The following CHST11 variants were observed in gnomAD, a reference collection of about 807,000 sequenced individuals.
The protein encoded by CHST11 is C4S-1.
Under a neutral mutation model 30.4 loss-of-function variants are expected in CHST11, and 9 were observed. That is an observed-to-expected ratio of 0.30 (90% CI 0.18 to 0.52). The LOEUF is 0.52. Ranked by LOEUF, CHST11 falls within the 20% of genes least tolerant of loss-of-function variation. The pLI is 0.97. For missense variants in CHST11, 348 were observed against 460.6 expected (o/e 0.76, Z 2.24); for synonymous variants, 152 against 187.8 (o/e 0.81, Z 1.56).
At chr12:104,739,747 T>C (rs2040331103) in intron 2 of CHST11, among the ~76,000 whole-genome samples, 1 of 152,208 alleles carries the variant, frequency 6.6e-6, no homozygotes, top group African/African-American at 2.4e-5. Context: ...CCTTTAAACC[T>C]CATAAGAGCC....
chr12:104,531,525 G>A (rs1420923968), intron 1 of CHST11, among the ~76,000 whole-genome samples: 1 of 151,658 alleles, frequency 6.6e-6, no homozygotes, highest in Non-Finnish European at 1.5e-5. Context: ...TACAAAGGAT[G>A]GGAAAATCCT....
At chr12:104,674,740 A>G (rs143607581) in intron 2 of CHST11, among the ~76,000 whole-genome samples, 5 of 151,934 alleles carry the variant, frequency 3.3e-5, no homozygotes, top group African/African-American at 9.7e-5. Context: ...CTGCCTTGAG[A>G]CAAGTGTAGA....
chr12:104,755,185 C>T (rs759831413), intron 2 of CHST11, among the ~76,000 whole-genome samples: 7 of 152,158 alleles, frequency 4.6e-5, no homozygotes, highest in Non-Finnish European at 1.0e-4. Context: ...GTTGGAGGAG[C>T]AGGGGCAGAT....
At chr12:104,751,148 A>G (rs1052717766) in intron 2 of CHST11, among the ~76,000 whole-genome samples, 9 of 152,090 alleles carry the variant, frequency 5.9e-5, no homozygotes, top group African/African-American at 2.2e-4. Context: ...TGTCATTTCC[A>G]TTTTTCCTGC....
At position 104,672,249 on chromosome 12, in the gene CHST11, TC is replaced by T. The variant is rs2039704191; in HGVS notation, c.204+70259del. On this transcript the variant is annotated intron_variant, in intron 2 of 2. Coordinates refer to ENST00000303694, the MANE Select transcript of CHST11 (RefSeq NM_018413.6). ...CGTGTGGGAGAGAGGGGATTGTCCC[TC>T]TCTCCCCAAGGTCAGCTCTGGCTTG... is the stretch of plus-strand genomic sequence containing the variant. Among the ~76,000 whole-genome samples, 5 of 103,044 alleles carry T rather than the reference TC, an allele frequency of 4.9e-5. No individual in the cohort carries two copies. The South Asian group carries it at 1.5e-3, about 30-fold the overall frequency. The allele number at this position is 103,044 out of a possible 152,430, so 67.6% of individuals were successfully genotyped here.
intron 2 of CHST11, among the ~76,000 whole-genome samples, chr12:104,738,722 T>C (rs932403027): frequency 9.2e-5 from 14 of 152,238 alleles, no homozygotes; most frequent in Non-Finnish European, 2.1e-4. Context: ...TCATAGCTAG[T>C]AGGTGCTAGA....
At chr12:104,658,561 C>T (rs1020535989) in intron 2 of CHST11, among the ~76,000 whole-genome samples, 1 of 152,162 alleles carries the variant, frequency 6.6e-6, no homozygotes, top group Non-Finnish European at 1.5e-5. Context: ...TTCATGACAG[C>T]GTGTACCTTA....
rs559609478 is a variant in CHST11 at position 104,489,037 on chromosome 12, C to CT, written c.118+31518dup. Among the ~76,000 whole-genome samples the CT allele has an allele frequency of 2.7e-3, 406 of 149,582 alleles. 3 individuals are homozygous for CT. Among genetic ancestry groups the CT allele is most frequent in the African/African-American group, 9.2e-3 (376 of 40,862 alleles). ...TGTGTCCTAATTTCTTCTTCTTCCT[C>CT]TTTTTTTTTTCCTTGAGATGGAGTT... is the stretch of plus-strand genomic sequence containing the variant. On this transcript the variant is annotated intron_variant, in intron 1 of 2. Transcript: ENST00000303694.
At chr12:104,661,900 C>T (rs974751413) in intron 2 of CHST11, among the ~76,000 whole-genome samples, 1 of 152,160 alleles carries the variant, frequency 6.6e-6, no homozygotes, top group South Asian at 2.1e-4. Context: ...CAGAAAACAC[C>T]TGTTCTTTCT....
intron 2 of CHST11, among the ~76,000 whole-genome samples, chr12:104,707,056 G>A (rs2040042712): frequency 6.6e-6 from 1 of 152,164 alleles, no homozygotes; most frequent in Non-Finnish European, 1.5e-5. Context: ...CAGTGCAACT[G>A]TCACCTCCTC....
At chr12:104,663,424 A>G (rs1408208963) in intron 2 of CHST11, among the ~76,000 whole-genome samples, 2 of 152,254 alleles carry the variant, frequency 1.3e-5, no homozygotes, top group East Asian at 3.8e-4. Context: ...AAAAATCACC[A>G]GCAAATCCAC....
chr12:104,699,737 G>T (rs1430307566), intron 2 of CHST11, among the ~76,000 whole-genome samples: 1 of 152,218 alleles, frequency 6.6e-6, no homozygotes, highest in Admixed American at 6.5e-5. Context: ...AGTAACTGGA[G>T]CCCTTTTGTT....
intron 1 of CHST11, chr12:104,514,154 CA>C (rs2037997376): frequency 4.7e-6 from 5 of 1,063,918 alleles, no homozygotes; most frequent in African/African-American, 1.5e-5. Flanking sequence ...AGCCTTCCTA[CA>C]GCAGTTCCCT....
chr12:104,580,503 C>A (rs10450734), intron 1 of CHST11, among the ~76,000 whole-genome samples: 2,930 of 152,180 alleles, frequency 0.019, 87 homozygotes, highest in East Asian at 0.089. Context: ...AAATTAAAGG[C>A]AAAATAAATG....
At chr12:104,530,020 A>G (rs1389642254) in intron 1 of CHST11, among the ~76,000 whole-genome samples, 3 of 152,086 alleles carry the variant, frequency 2.0e-5, no homozygotes, top group Non-Finnish European at 4.4e-5. Context: ...TTAGCTAGGC[A>G]TGGTGGCACA....
chr12:104,552,444 T>C (rs1480392501), intron 1 of CHST11: 1 of 152,772 alleles, frequency 6.5e-6, no homozygotes, highest in African/African-American at 2.4e-5. Flanking sequence ...TAGCTGGGAC[T>C]ACAGGCGCAC....
intron 2 of CHST11, among the ~76,000 whole-genome samples, chr12:104,645,797 A>G (rs12581164): frequency 0.13 from 19,456 of 152,244 alleles, 1,560 homozygotes; most frequent in African/African-American, 0.23. Flanking sequence ...ACAGCACCAA[A>G]TAAGATGAGT....
intron 2 of CHST11, among the ~76,000 whole-genome samples, chr12:104,732,194 G>A (rs964840801): frequency 1.3e-5 from 2 of 152,242 alleles, no homozygotes; most frequent in Non-Finnish European, 2.9e-5. Flanking sequence ...GGCCCCCTGG[G>A]GTTCGTGAGC....
chr12:104,531,967 A>G (rs1424321212), intron 1 of CHST11, among the ~76,000 whole-genome samples: 1 of 152,202 alleles, frequency 6.6e-6, no homozygotes, highest in Non-Finnish European at 1.5e-5. Context: ...GGCTAGAGGG[A>G]TTAAGTCACT....
Sources: gnomAD v4.1 joint callset for allele counts (sites outside exome capture counted in the v4.1 genomes callset) on GRCh38, gnomAD v4.1.1 for gene constraint, MANE v1.5 for transcripts, NCBI Gene and HGNC (gene_info 2026-07-23, HGNC 2026-07-21) for gene names.